Variants in FRY observed in about 807,000 individuals in gnomAD.
FRY encodes the protein protein furry homolog.
A neutral mutation model predicts 348.4 loss-of-function variants in FRY; 128 were observed. The ratio of observed to expected loss-of-function variants is 0.37; its 90% confidence interval spans 0.32 to 0.43. FRY has a LOEUF of 0.43. FRY is among the 20% of genes least tolerant of loss of function. The probability of loss-of-function intolerance (pLI) is 1.00; values close to 1 mark genes in which losing one functional copy is unlikely to be tolerated. For missense variants in FRY, 2,736 were observed against 3,695.2 expected (o/e 0.74, Z 6.73); for synonymous variants, 1,370 against 1,374.7 (o/e 1.00, Z 0.08).
At chr13:32,228,394 A>G (rs1009742780) in intron 39 of FRY, 62 bp from the exon 40 acceptor site, 20 of 1,237,814 alleles carry the variant, frequency 1.6e-5, no homozygotes, top group Non-Finnish European at 2.3e-5. Context: ...TGTGGACCTC[A>G]TTAAGCATGC....
chr13:32,114,592 A>G (rs1878182745), intron 3 of FRY, among the ~76,000 whole-genome samples: 1 of 152,194 alleles, frequency 6.6e-6, no homozygotes, highest in Non-Finnish European at 1.5e-5. Flanking sequence ...GATTCGGCAG[A>G]TTTACACAAG....
At chr13:32,183,579 C>T (rs1265794290) in intron 24 of FRY, among the ~76,000 whole-genome samples, 3 of 151,808 alleles carry the variant, frequency 2.0e-5, no homozygotes, top group South Asian at 4.2e-4. Flanking sequence ...AGATCGAGAC[C>T]ATCCTGGCCA....
intron 55 of FRY, among the ~76,000 whole-genome samples, chr13:32,274,631 G>GCC (rs1888413178): frequency 2.0e-5 from 3 of 150,144 alleles, no homozygotes; most frequent in Admixed American, 1.3e-4. Context: ...GTGAACCTGG[G>GCC]AGGGGGAGCT....
chr13:32,272,912 A>AT (rs375185878), intron 55 of FRY, among the ~76,000 whole-genome samples: 60,803 of 146,810 alleles, frequency 0.41, 13,110 homozygotes, highest in Non-Finnish European at 0.5. Context: ...ATTTTTTGGT[A>AT]TTTTTTTTTT....
At chr13:32,235,588 A>G (rs1886183685) in intron 42 of FRY, among the ~76,000 whole-genome samples, 1 of 152,172 alleles carries the variant, frequency 6.6e-6, no homozygotes, top group African/African-American at 2.4e-5. Context: ...GTGCCATTGT[A>G]CTCAAGCCTG....
At chr13:32,240,330 C>A (rs1468604506) in intron 46 of FRY, among the ~76,000 whole-genome samples, 1 of 152,178 alleles carries the variant, frequency 6.6e-6, no homozygotes, top group Non-Finnish European at 1.5e-5. Flanking sequence ...TATGGTAACA[C>A]CTGTCAGTAC....
Position 32,202,518 on chromosome 13 carries a change from C to T in FRY, c.4009C>T (p.Leu1337Phe), listed in dbSNP as rs755880817. The T allele has an allele frequency of 2.7e-5, 44 of 1,612,722 alleles. No homozygotes were observed. The highest frequency in any genetic ancestry group is 3.6e-5 in the Non-Finnish European group (42 of 1,178,854). The change falls in exon 31 of 61, where the codon CTC (leucine) becomes TTC (phenylalanine). Residue 1337 changes from leucine (L) to phenylalanine (F), a missense_variant. This residue lies in a region of FRY where 794 missense variants were observed against 977.0 expected (regional missense o/e 0.81). Transcript: ENST00000542859. Reference sequence around the variant, plus strand: ...GATGTACCCTGAGCTCACACTCCCCCTCTTCTCAGGTACCAGGCAATAGTC... The same window carrying T: ...GATGTACCCTGAGCTCACACTCCCCTTCTTCTCAGGTACCAGGCAATAGTC... ...ARMYPELTLPLFSEVSQRFPT... is the reference protein window; with the variant it reads ...ARMYPELTLPFFSEVSQRFPT...
intron 51 of FRY, among the ~76,000 whole-genome samples, chr13:32,259,376 G>A (rs1887507623): frequency 6.6e-6 from 1 of 152,174 alleles, no homozygotes; most frequent in Admixed American, 6.5e-5. Context: ...CAGCAAGACA[G>A]CCAAACCTTA....
chr13:32,212,292 G>A lies in FRY; in HGVS notation c.4592G>A (p.Gly1531Glu). 6.3e-7 allele frequency: 1 copy of A among 1,593,792 alleles called. No homozygotes were observed. The highest frequency in any genetic ancestry group is 8.6e-7 in the Non-Finnish European group (1 of 1,162,758). ...ASSKASAAASGTTSSSNTVVA... is the reference protein window; with the variant it reads ...ASSKASAAASETTSSSNTVVA... ...GTTTTTCTTCCATTCCCATCTACAG[G>A]AACCACCTCTAGCAGCAATACAGTG... is the stretch of plus-strand genomic sequence containing the variant. Residue 1531 changes from glycine to glutamate, a missense_variant and splice_region_variant, in exon 35 of 61, where the codon GGA becomes GAA. Gly to Glu is a moderately conservative substitution (Grantham distance 98, BLOSUM62 -2). Around this residue, in one of 9 missense-constraint regions of FRY, gnomAD observed 794 missense variants for 977.0 expected, o/e 0.81. Transcript: ENST00000542859.
At chr13:32,214,755 C>T (rs1884885707) in intron 35 of FRY, among the ~76,000 whole-genome samples, 1 of 152,142 alleles carries the variant, frequency 6.6e-6, no homozygotes, top group African/African-American at 2.4e-5. Context: ...CTTTACAGTC[C>T]TTATAGGCAA....
intron 15 of FRY, among the ~76,000 whole-genome samples, chr13:32,155,922 T>C (rs1300843947): frequency 6.6e-6 from 1 of 152,242 alleles, no homozygotes; most frequent in East Asian, 1.9e-4. Context: ...TAATAATGAT[T>C]ACTACGTTTT....
intron 1 of FRY, among the ~76,000 whole-genome samples, chr13:32,048,668 ATGCT>A (rs1397477216): frequency 7.2e-5 from 11 of 152,208 alleles, no homozygotes; most frequent in African/African-American, 2.7e-4. Context: ...GAAGGAAACC[ATGCT>A]CAATGAAGTC....
chr13:32,136,334 G>A (rs1879716508), intron 10 of FRY, among the ~76,000 whole-genome samples: 1 of 152,004 alleles, frequency 6.6e-6, no homozygotes, highest in South Asian at 2.1e-4. Context: ...TTCCTCCTGT[G>A]GTTAAATTTG....
chr13:32,214,394 G>GC (rs2138372823), intron 35 of FRY, among the ~76,000 whole-genome samples: 1 of 152,154 alleles, frequency 6.6e-6, no homozygotes, highest in East Asian at 1.9e-4. Context: ...TTTGAATGTG[G>GC]CCCAACACAA....
chr13:32,067,706 A>T (rs1874351243), intron 1 of FRY, among the ~76,000 whole-genome samples: 1 of 152,202 alleles, frequency 6.6e-6, no homozygotes, highest in Non-Finnish European at 1.5e-5. Context: ...CCTCTTTAAG[A>T]ATAACAGGTA....
Position 32,243,147 on chromosome 13 carries a change from C to T in FRY, c.6688-895C>T, listed in dbSNP as rs542419720. Among the ~76,000 whole-genome samples the T allele has an allele frequency of 1.6e-3, 243 of 152,300 alleles. 1 individual carries two copies. The highest frequency in any genetic ancestry group is 3.1e-3 in the Non-Finnish European group (209 of 68,032). ...CAATGTTATTTCTATGTAACACACA[C>T]ATTCATGTCAATATTGGCATCATCT... On this transcript the variant is annotated intron_variant, in intron 46 of 60. Coordinates refer to ENST00000542859, the MANE Select transcript of FRY (RefSeq NM_023037.3).
intron 2 of FRY, among the ~76,000 whole-genome samples, chr13:32,087,142 G>C (rs960732206): frequency 6.6e-6 from 1 of 152,204 alleles, no homozygotes; most frequent in African/African-American, 2.4e-5. Flanking sequence ...ACAGTCTGAA[G>C]AATCCAGGAT....
intron 48 of FRY, among the ~76,000 whole-genome samples, chr13:32,247,765 G>A (rs570901457): frequency 5.4e-4 from 82 of 152,236 alleles, no homozygotes; most frequent in Non-Finnish European, 9.4e-4. Context: ...AAAATGGAAC[G>A]ATCATAAGCA....
At chr13:32,099,430 C>T (rs1354189855) in intron 2 of FRY, among the ~76,000 whole-genome samples, 3 of 150,638 alleles carry the variant, frequency 2.0e-5, no homozygotes, top group East Asian at 2.0e-4. Flanking sequence ...AGCAATACCG[C>T]GTGAGTTGAG....
Sources: gnomAD v4.1 joint callset for allele counts (sites outside exome capture counted in the v4.1 genomes callset) on GRCh38, gnomAD v4.1.1 for gene constraint, gnomAD v4.1.1 regional missense constraint, MANE v1.5 for transcripts, NCBI Gene and HGNC (gene_info 2026-07-23, HGNC 2026-07-21) for gene names.